Variants in PCDH9 observed in about 807,000 individuals in gnomAD.
The protein encoded by PCDH9 is protocadherin 9.
In PCDH9, 24 loss-of-function variants were observed where a neutral mutation model predicts 70.6. The observed-to-expected ratio is 0.34, with a 90% CI of 0.25 to 0.48. PCDH9 has a LOEUF of 0.48. Among genes scored for constraint, PCDH9 ranks in the 20% least tolerant of loss-of-function variants. PCDH9 has a pLI of 0.99. For missense variants in PCDH9, 1,281 were observed against 1,503.6 expected (o/e 0.85, Z 2.45); for synonymous variants, 562 against 558.5 (o/e 1.01, Z -0.09).
chr13:67,021,134 C>T (rs1216154443), intron 2 of PCDH9, among the ~76,000 whole-genome samples: 1 of 152,152 alleles, frequency 6.6e-6, no homozygotes, highest in East Asian at 1.9e-4. Context: ...CAGTGTACAA[C>T]TCATCCATAA....
At chr13:66,576,244 T>TA (rs2076813488) in intron 4 of PCDH9, among the ~76,000 whole-genome samples, 1 of 152,070 alleles carries the variant, frequency 6.6e-6, no homozygotes, top group Admixed American at 6.6e-5. Context: ...TATATATATA[T>TA]TCCAAAAATG....
At chr13:66,824,718 A>G (rs1003622861) in intron 3 of PCDH9, among the ~76,000 whole-genome samples, 11 of 145,350 alleles carry the variant, frequency 7.6e-5, no homozygotes, top group Non-Finnish European at 1.2e-4. Flanking sequence ...ATATATATAT[A>G]CACACACACA....
At chr13:66,822,793 C>T (rs1245327708) in intron 3 of PCDH9, among the ~76,000 whole-genome samples, 1 of 152,004 alleles carries the variant, frequency 6.6e-6, no homozygotes, top group Non-Finnish European at 1.5e-5. Flanking sequence ...CAGGTGTGAG[C>T]CACTGCACTC....
chr13:66,974,818 A>G (rs943485975), intron 2 of PCDH9, among the ~76,000 whole-genome samples: 6 of 151,970 alleles, frequency 3.9e-5, no homozygotes, highest in African/African-American at 1.4e-4. Flanking sequence ...TTACAGTGAA[A>G]TTTTATATTG....
chr13:66,317,719 G>A (rs749708017), intron 4 of PCDH9, among the ~76,000 whole-genome samples: 5 of 151,658 alleles, frequency 3.3e-5, no homozygotes, highest in African/African-American at 7.3e-5. Flanking sequence ...GTATATTCAA[G>A]TAAGTGGGAG....
intron 3 of PCDH9, among the ~76,000 whole-genome samples, chr13:66,784,878 TG>T (rs2080055146): frequency 6.6e-6 from 1 of 152,150 alleles, no homozygotes; most frequent in Non-Finnish European, 1.5e-5. Flanking sequence ...ATAATTGCCC[TG>T]ATCTTACTTT....
At chr13:66,848,031 T>G (rs1008456396) in intron 3 of PCDH9, among the ~76,000 whole-genome samples, 1 of 152,238 alleles carries the variant, frequency 6.6e-6, no homozygotes, top group Non-Finnish European at 1.5e-5. Context: ...AGTTTGATTC[T>G]TCCACTATCT....
At chr13:66,795,983 C>G (rs1243205488) in intron 3 of PCDH9, among the ~76,000 whole-genome samples, 1 of 152,172 alleles carries the variant, frequency 6.6e-6, no homozygotes, top group Non-Finnish European at 1.5e-5. Context: ...GGATGGCTGT[C>G]TGCACGCTGC....
At chr13:67,133,989 GACTCTC>G (rs2138337997) in intron 2 of PCDH9, among the ~76,000 whole-genome samples, 1 of 152,068 alleles carries the variant, frequency 6.6e-6, no homozygotes, top group Non-Finnish European at 1.5e-5. Flanking sequence ...AGGTATTGAT[GACTCTC>G]ACTCTTAATT....
At chr13:66,757,555 A>C (rs1182590786) in intron 3 of PCDH9, among the ~76,000 whole-genome samples, 1 of 152,104 alleles carries the variant, frequency 6.6e-6, no homozygotes, top group East Asian at 1.9e-4. Flanking sequence ...AAATATGTAA[A>C]TGGTAAAAAA....
intron 3 of PCDH9, among the ~76,000 whole-genome samples, chr13:66,777,888 T>C (rs1244814580): frequency 6.6e-6 from 1 of 151,936 alleles, no homozygotes; most frequent in Non-Finnish European, 1.5e-5. Flanking sequence ...AACCCAAATG[T>C]CCAACAACGA....
intron 2 of PCDH9, among the ~76,000 whole-genome samples, chr13:67,099,340 A>G (rs143878710): frequency 1.3e-5 from 2 of 152,368 alleles, no homozygotes; most frequent in Admixed American, 1.3e-4. Context: ...CATAATACCA[A>G]GAATTCAAGT....
At chr13:66,556,774 T>C (rs936259161) in intron 4 of PCDH9, among the ~76,000 whole-genome samples, 1 of 152,130 alleles carries the variant, frequency 6.6e-6, no homozygotes, top group Non-Finnish European at 1.5e-5. Context: ...GCTATAGCTG[T>C]TTGGTAGAAA....
chr13:66,416,206 C>T (rs1383897737), intron 4 of PCDH9, among the ~76,000 whole-genome samples: 2 of 151,882 alleles, frequency 1.3e-5, no homozygotes, highest in African/African-American at 2.4e-5. Flanking sequence ...CTGAAACCAT[C>T]TTCTCCTTCA....
intron 2 of PCDH9, among the ~76,000 whole-genome samples, chr13:67,160,441 G>A (rs562031315): frequency 4.2e-4 from 64 of 152,162 alleles, no homozygotes; most frequent in African/African-American, 1.5e-3. Flanking sequence ...CAGCTATTCG[G>A]GAGACTGAGG....
intron 4 of PCDH9, among the ~76,000 whole-genome samples, chr13:66,305,652 C>A (rs1955452861): frequency 6.6e-6 from 1 of 151,938 alleles, no homozygotes; most frequent in Non-Finnish European, 1.5e-5. Flanking sequence ...TTGTATCTTA[C>A]TAACAACACA....
At chr13:66,386,689 G>A (rs1956936172) in intron 4 of PCDH9, among the ~76,000 whole-genome samples, 1 of 151,922 alleles carries the variant, frequency 6.6e-6, no homozygotes, top group African/African-American at 2.4e-5. Flanking sequence ...TGGCAGGAAG[G>A]GCTATTTAAT....
At chr13:66,763,177 A>G (rs1272152743) in intron 3 of PCDH9, among the ~76,000 whole-genome samples, 1 of 151,458 alleles carries the variant, frequency 6.6e-6, no homozygotes, top group African/African-American at 2.4e-5. Context: ...TATATATATG[A>G]ATTTTATAAA....
At chr13:66,959,722 C>T (rs939795735) in intron 2 of PCDH9, among the ~76,000 whole-genome samples, 1 of 149,038 alleles carries the variant, frequency 6.7e-6, no homozygotes, top group Non-Finnish European at 1.5e-5. Context: ...CTGCACTCCA[C>T]CCTGGGCAAC....
Sources: gnomAD v4.1 joint callset for allele counts (sites outside exome capture counted in the v4.1 genomes callset) on GRCh38, gnomAD v4.1.1 for gene constraint, MANE v1.5 for transcripts, NCBI Gene and HGNC (gene_info 2026-07-23, HGNC 2026-07-21) for gene names.